The following ARHGEF3 variants were observed in gnomAD, a reference collection of about 807,000 sequenced individuals.
ARHGEF3 encodes the protein 59.8 kDA protein.
In ARHGEF3, 28 loss-of-function variants were observed where a neutral mutation model predicts 63.2. The ratio of observed to expected loss-of-function variants is 0.44; its 90% CI spans 0.33 to 0.61. The LOEUF is 0.61. Ranked by LOEUF, ARHGEF3 falls within the 20% of genes least tolerant of loss-of-function variation. ARHGEF3 has a pLI of 0.03. For synonymous variants in ARHGEF3, 266 were observed against 254.2 expected (o/e 1.05, Z -0.44); for missense variants, 533 against 659.3 (o/e 0.81, Z 2.10).
intron 2 of ARHGEF3, among the ~76,000 whole-genome samples, chr3:57,014,604 T>A (rs1319818647): frequency 6.6e-6 from 1 of 152,242 alleles, no homozygotes; most frequent in Non-Finnish European, 1.5e-5. Context: ...TCTAAACTTT[T>A]CAGTTTTTTT....
chr3:57,014,110 A>G (rs1702845968), intron 2 of ARHGEF3, among the ~76,000 whole-genome samples: 1 of 152,084 alleles, frequency 6.6e-6, no homozygotes, highest in Non-Finnish European at 1.5e-5. Context: ...GAACAACTCC[A>G]GACGTGACCC....
rs188761053 is a variant in ARHGEF3 at position 56,966,738 on chromosome 3, T to C, written c.63-7849A>G. ...GAGGCTACTGCAGACATCCAGACCCTGTGTGGCCTGTCTCAGGGACACTTT... is the reference window on the plus strand; with the variant it reads ...GAGGCTACTGCAGACATCCAGACCCCGTGTGGCCTGTCTCAGGGACACTTT... On this transcript the variant is annotated intron_variant, in intron 2 of 12. Coordinates refer to the ARHGEF3 transcript ENST00000338458. Among the ~76,000 whole-genome samples, 383 of 152,152 alleles carry C rather than the reference T, an allele frequency of 2.5e-3. 4 individuals carry two copies. The highest frequency in any genetic ancestry group is 2.8e-3 in the Non-Finnish European group (192 of 68,008).
chr3:56,955,836 G>A (rs559821819), intron 3 of ARHGEF3, among the ~76,000 whole-genome samples: 2 of 152,220 alleles, frequency 1.3e-5, no homozygotes, highest in Non-Finnish European at 2.9e-5. Context: ...TCCTGGCTGG[G>A]AGTGAGGGTG....
intron 1 of ARHGEF3, among the ~76,000 whole-genome samples, chr3:57,067,179 C>T (rs752443212): frequency 2.6e-5 from 4 of 152,114 alleles, no homozygotes; most frequent in Non-Finnish European, 2.9e-5. Flanking sequence ...CGGCCAGGCG[C>T]GGTGGCTCAC....
At chr3:56,965,915 T>C (rs2106790893) in intron 2 of ARHGEF3, among the ~76,000 whole-genome samples, 1 of 152,228 alleles carries the variant, frequency 6.6e-6, no homozygotes, top group Non-Finnish European at 1.5e-5. Flanking sequence ...CCCAAAGTGC[T>C]GGGATTACAG....
At chr3:57,028,673 C>T (rs62250288) in intron 2 of ARHGEF3, among the ~76,000 whole-genome samples, 3 of 144,136 alleles carry the variant, frequency 2.1e-5, no homozygotes, top group Non-Finnish European at 3.0e-5. Flanking sequence ...GCACATGTAC[C>T]CTAAAACTTA....
At chr3:57,024,797 T>C (rs545205368) in intron 2 of ARHGEF3, among the ~76,000 whole-genome samples, 1 of 152,358 alleles carries the variant, frequency 6.6e-6, no homozygotes, top group South Asian at 2.1e-4. Flanking sequence ...AAGAGCAGTT[T>C]TTTATTACAA....
At chr3:57,010,584 T>C (rs1220834326) in intron 2 of ARHGEF3, among the ~76,000 whole-genome samples, 4 of 152,120 alleles carry the variant, frequency 2.6e-5, no homozygotes, top group Non-Finnish European at 5.9e-5. Flanking sequence ...AAACTATGCA[T>C]GGTTTGGAGG....
intron 4 of ARHGEF3, among the ~76,000 whole-genome samples, chr3:56,822,080 T>A (rs2038528403): frequency 6.6e-6 from 1 of 151,986 alleles, no homozygotes; most frequent in African/African-American, 2.4e-5. Context: ...AGATTTTCAG[T>A]GTAGTGTCAT....
At chr3:56,845,208 T>C (rs1354331122) in intron 4 of ARHGEF3, among the ~76,000 whole-genome samples, 3 of 152,230 alleles carry the variant, frequency 2.0e-5, no homozygotes, top group African/African-American at 7.2e-5. Context: ...ACCATAACCC[T>C]GGCCAACGCC....
At chr3:56,766,024 G>T (rs531984132) in intron 2 of ARHGEF3, among the ~76,000 whole-genome samples, 19 of 151,820 alleles carry the variant, frequency 1.3e-4, no homozygotes, top group Non-Finnish European at 2.2e-4. Flanking sequence ...GACGTTCCTG[G>T]TTTTTTTTCC....
At chr3:56,792,998 T>G (rs7624625) in intron 1 of ARHGEF3, among the ~76,000 whole-genome samples, 68,046 of 123,644 alleles carry the variant, frequency 0.55, 15,663 homozygotes, top group East Asian at 0.73. Context: ...TTGGGTTTTT[T>G]TTTTTTTTTA....
chr3:57,022,496 T>G (rs1703300942), intron 2 of ARHGEF3, among the ~76,000 whole-genome samples: 1 of 152,138 alleles, frequency 6.6e-6, no homozygotes, highest in Admixed American at 6.5e-5. Context: ...CATGAATACA[T>G]GCTGGTGATC....
At chr3:56,961,533 C>T (rs1162064042) in intron 2 of ARHGEF3, among the ~76,000 whole-genome samples, 5 of 152,188 alleles carry the variant, frequency 3.3e-5, no homozygotes. Context: ...AGCAGCTTAG[C>T]AGGGCTTCCC....
chr3:57,037,394 A>G (rs140316771), intron 1 of ARHGEF3, among the ~76,000 whole-genome samples: 150 of 152,336 alleles, frequency 9.8e-4, no homozygotes, highest in Non-Finnish European at 1.7e-3. Flanking sequence ...TAACTGCTGC[A>G]AGGGACTTTA....
At chr3:56,875,000 G>A (rs2040540040) in intron 4 of ARHGEF3, among the ~76,000 whole-genome samples, 1 of 152,162 alleles carries the variant, frequency 6.6e-6, no homozygotes, top group Non-Finnish European at 1.5e-5. Context: ...GCTATAGTAT[G>A]CTATTTACTA....
At chr3:56,820,490 T>C (rs1049100727) in intron 4 of ARHGEF3, among the ~76,000 whole-genome samples, 1 of 152,122 alleles carries the variant, frequency 6.6e-6, no homozygotes, top group Non-Finnish European at 1.5e-5. Flanking sequence ...GTGAGATTTT[T>C]CACAATAACA....
intron 4 of ARHGEF3, among the ~76,000 whole-genome samples, chr3:56,869,218 A>T (rs1415853229): frequency 6.6e-6 from 1 of 152,200 alleles, no homozygotes; most frequent in African/African-American, 2.4e-5. Context: ...TCTGTTGGGA[A>T]TAAACCCATT....
chr3:56,821,961 TCGAGA>T (rs1311820987), intron 4 of ARHGEF3, among the ~76,000 whole-genome samples: 2 of 105,522 alleles, frequency 1.9e-5, no homozygotes, highest in Admixed American at 1.1e-4. Context: ...AGACTCTGTC[TCGAGA>T]AGAGAAGAGA....
Sources: gnomAD v4.1 joint callset for allele counts (sites outside exome capture counted in the v4.1 genomes callset) on GRCh38, gnomAD v4.1.1 for gene constraint, MANE v1.5 for transcripts, NCBI Gene and HGNC (gene_info 2026-07-23, HGNC 2026-07-21) for gene names.